OARD1: variants seen among roughly 807,000 people sequenced by gnomAD.
OARD1 encodes the protein ADP-ribose glycohydrolase OARD1.
A neutral mutation model predicts 19.7 loss-of-function variants in OARD1; 19 were observed. The observed-to-expected ratio is 0.96, with a 90% CI of 0.67 to 1.41. The LOEUF (loss-of-function observed/expected upper bound fraction) is 1.41, where lower values mean the gene tolerates loss of function less well. OARD1 is among the 40% of genes most tolerant of loss of function. OARD1 has a pLI of 0.00. For missense variants in OARD1, 190 were observed against 183.8 expected, an observed-to-expected ratio of 1.03 and a Z score of -0.20; for synonymous variants, 70 against 61.8, an observed-to-expected ratio of 1.13 and a Z score of -0.62.
upstream of OARD1, chr6:41,072,427 A>C (rs1009428937): frequency 6.6e-6 from 1 of 152,236 alleles, no homozygotes; most frequent in African/African-American, 2.4e-5. Flanking sequence ...ACCAGCCCAA[A>C]CGCGGAGCCA....
intron 1 of OARD1, among the ~76,000 whole-genome samples, chr6:41,079,572 T>TTTA (rs1763852080): frequency 6.6e-6 from 1 of 152,228 alleles, no homozygotes; most frequent in South Asian, 2.1e-4. Flanking sequence ...TGCCACATTT[T>TTTA]TTATTCAGAA....
chr6:41,082,506 C>T (rs969809340), intron 1 of OARD1, among the ~76,000 whole-genome samples: 7 of 151,946 alleles, frequency 4.6e-5, no homozygotes, highest in Non-Finnish European at 8.8e-5. Flanking sequence ...ATCATGTGCA[C>T]GAATAGCACA....
intron 1 of OARD1, among the ~76,000 whole-genome samples, chr6:41,093,562 C>T (rs1369536995): frequency 1.3e-5 from 2 of 152,012 alleles, no homozygotes; most frequent in Non-Finnish European, 2.9e-5. Context: ...CCTGCACCTT[C>T]CATGTTCAAG....
chr6:41,089,479 G>C (rs1354333433), intron 1 of OARD1: 1 of 1,328,494 alleles, frequency 7.5e-7, no homozygotes, highest in East Asian at 2.7e-5. Context: ...TTCCTCTTCA[G>C]AACATTTTCT....
At chr6:41,090,820 A>C (rs1364375141) in intron 1 of OARD1, among the ~76,000 whole-genome samples, 1 of 152,236 alleles carries the variant, frequency 6.6e-6, no homozygotes, top group African/African-American at 2.4e-5. Flanking sequence ...TAACATAAAT[A>C]ATAGATGTTT....
upstream of OARD1, among the ~76,000 whole-genome samples, chr6:41,077,205 A>T (rs1293804242): frequency 6.6e-6 from 1 of 152,168 alleles, no homozygotes; most frequent in African/African-American, 2.4e-5. Context: ...TCCTTTCATG[A>T]TCCTTATTTT....
intron 1 of OARD1, among the ~76,000 whole-genome samples, chr6:41,082,593 C>A (rs1039292068): frequency 5.9e-5 from 9 of 152,178 alleles, no homozygotes; most frequent in Admixed American, 6.5e-5. Context: ...GTGTTTCCTA[C>A]TTACATAGAT....
chr6:41,072,404 T>G (rs1582011986), upstream of OARD1: 1 of 152,038 alleles, frequency 6.6e-6, no homozygotes, highest in Non-Finnish European at 1.5e-5. Flanking sequence ...CCCTGGTAGG[T>G]GGGGAGCAGC....
intron 1 of OARD1, among the ~76,000 whole-genome samples, chr6:41,084,501 A>G (rs1763988316): frequency 6.6e-6 from 1 of 152,240 alleles, no homozygotes; most frequent in Non-Finnish European, 1.5e-5. Flanking sequence ...AGAAAGTTAG[A>G]AAAATAACAA....
chr6:41,073,766 A>C (rs1232691154), upstream of OARD1, among the ~76,000 whole-genome samples: 1 of 149,524 alleles, frequency 6.7e-6, no homozygotes, highest in Non-Finnish European at 1.5e-5. Context: ...TAGTTCGCCC[A>C]CTCCCCCTGC....
chr6:41,097,289 T>TA (rs1404151284), intron 1 of OARD1: 3 of 1,398,684 alleles, frequency 2.1e-6, no homozygotes, highest in Non-Finnish European at 3.0e-6. Flanking sequence ...GGGGGATAAG[T>TA]AGTGAGAGCC....
chr6:41,064,979 G>A lies in OARD1; in HGVS notation c.*2356C>T, dbSNP rs953463918. ...AAAATTCACAGGTGAATTTCCGGGT[G>A]TTTGCCAAACTCTAACTAGGTTTCC... On this transcript the variant is annotated 3_prime_UTR_variant, in exon 6 of 6. Transcript: ENST00000424266. 2 of 151,650 alleles carry A rather than the reference G, an allele frequency of 1.3e-5. No homozygotes were observed. The highest frequency in any genetic ancestry group is 4.8e-5 in the African/African-American group (2 of 41,242). The allele number at this position is 151,650 out of a possible 1,614,324, so 9.4% of individuals were successfully genotyped here.
intron 1 of OARD1, among the ~76,000 whole-genome samples, chr6:41,086,578 CT>C (rs1264799918): frequency 6.6e-6 from 1 of 151,934 alleles, no homozygotes; most frequent in Non-Finnish European, 1.5e-5. Context: ...ACTTCTTAAC[CT>C]TTTTTGAATT....
intron 3 of OARD1, 127 bp downstream of exon 3, chr6:41,071,005 G>A (rs1561844007): frequency 1.0e-6 from 1 of 986,436 alleles, no homozygotes; most frequent in Admixed American, 2.0e-5. Context: ...GCCATTCTTG[G>A]GGAGGAAAAT....
At chr6:41,094,674 TTGG>T (rs1195097081) in intron 1 of OARD1, among the ~76,000 whole-genome samples, 1 of 152,130 alleles carries the variant, frequency 6.6e-6, no homozygotes, top group Non-Finnish European at 1.5e-5. Context: ...TAGGCCAGAC[TTGG>T]TGGCTCATGC....
intron 4 of OARD1, chr6:41,069,698 T>C (rs772400623): frequency 1.1e-5 from 3 of 266,174 alleles, no homozygotes; most frequent in East Asian, 1.2e-4. Context: ...AGTGTGCTAT[T>C]TGACATGGAA....
intron 3 of OARD1, 168 bp downstream of exon 3, chr6:41,070,964 G>A (rs1763309581): frequency 7.4e-6 from 5 of 671,808 alleles, no homozygotes; most frequent in Non-Finnish European, 1.3e-5. Flanking sequence ...ACAGGAGTTG[G>A]GTTTTGATAT....
chr6:41,086,916 GAAAA>G (rs1311323185), intron 1 of OARD1, among the ~76,000 whole-genome samples: 1 of 151,992 alleles, frequency 6.6e-6, no homozygotes, highest in African/African-American at 2.4e-5. Flanking sequence ...AAATTCAAAA[GAAAA>G]TATAAGAATT....
chr6:41,091,474 C>G, intron 1 of OARD1: 1 of 1,572,178 alleles, frequency 6.4e-7, no homozygotes, highest in Non-Finnish European at 8.7e-7. Flanking sequence ...ATGTTCCCTT[C>G]TTTCTGTTCT....
Sources: allele counts gnomAD v4.1 joint callset (sites outside exome capture counted in the v4.1 genomes callset), GRCh38; gene constraint gnomAD v4.1.1; transcripts MANE v1.5; gene names NCBI Gene and HGNC (gene_info 2026-07-23, HGNC 2026-07-21).